SHC2: variants seen among roughly 807,000 people sequenced by gnomAD.
SHC2 encodes SHC adaptor protein 2, also known as SHC-transforming protein 2.
In SHC2, 62 loss-of-function variants were observed where a neutral mutation model predicts 60.6. That is an observed-to-expected ratio of 1.02 (90% CI 0.83 to 1.26). SHC2 has a LOEUF of 1.26. Ranked by LOEUF, SHC2 falls within the 50% of genes most tolerant of loss-of-function variation. The pLI, the probability that SHC2 is intolerant of heterozygous loss-of-function variation, is 0.00. For missense variants in SHC2, 873 were observed against 822.2 expected (o/e 1.06, Z -0.76); for synonymous variants, 375 against 372.4 (o/e 1.01, Z -0.08).
intron 11 of SHC2, among the ~76,000 whole-genome samples, chr19:421,903 C>T (rs572326090): frequency 1.3e-5 from 2 of 152,208 alleles, no homozygotes; most frequent in Non-Finnish European, 2.9e-5. Context: ...GAGCCAGACT[C>T]TGTCTCAAAA....
Position 422,245 on chromosome 19 carries a change from G to A in SHC2, c.1521C>T (p.Phe507=), listed in dbSNP as rs757040362. The change falls in exon 11 of 13, where the codon TTC becomes TTT. Residue 507 remains phenylalanine, a synonymous_variant. Coordinates refer to ENST00000264554, the MANE Select transcript of SHC2 (RefSeq NM_012435.3). The surrounding 1 kb of genome is among the most constrained non-coding windows in gnomAD (Gnocchi z 5.0). ...GGTTGGTGACGCTGTCTCGCACAAG[G>A]AAGTCCCCGTCAGCTCGAAGCATCC... ...AERMLRADGD[F]LVRDSVTNPG... The A allele has an allele frequency of 6.8e-6, 11 of 1,612,404 alleles. No individual in the cohort carries two copies. Among genetic ancestry groups the A allele is most frequent in the South Asian group, 6.6e-5 (6 of 90,956 alleles).
At chr19:457,893 G>A (rs540918023) in intron 1 of SHC2, among the ~76,000 whole-genome samples, 10 of 152,388 alleles carry the variant, frequency 6.6e-5, no homozygotes, top group Non-Finnish European at 1.2e-4. Context: ...ATGCCACCAG[G>A]GAAAACAGAC....
chr19:439,227 G>C (rs1274327579), intron 2 of SHC2, 197 bp from the exon 3 acceptor site: 1 of 462,914 alleles, frequency 2.2e-6, no homozygotes, highest in East Asian at 3.8e-5. Context: ...GAGGGGGCTG[G>C]GGAACCTGGG....
intron 1 of SHC2, among the ~76,000 whole-genome samples, chr19:454,900 G>A (rs989849758): frequency 5.3e-5 from 8 of 152,228 alleles, no homozygotes; most frequent in Non-Finnish European, 1.2e-4. Context: ...CCCAGTGCTG[G>A]TGGTGGCCGG....
At position 436,377 on chromosome 19, in the gene SHC2, C is replaced by A; in HGVS notation, c.826+3G>T. 1 of 1,595,068 alleles carries A rather than the reference C, an allele frequency of 6.3e-7. No individual in the cohort carries two copies. Among genetic ancestry groups the A allele is most frequent in the Non-Finnish European group, 8.6e-7 (1 of 1,167,554 alleles). ...CCCCCACCGGCCTCCCCGGGGGCCT[C>A]ACCTCTCTGGTTGATGGGGTCCTTG... On this transcript the variant is annotated splice_donor_region_variant and intron_variant, in intron 6 of 12. Coordinates refer to ENST00000264554, the MANE Select transcript of SHC2 (RefSeq NM_012435.3).
chr19:450,013 A>G (rs4919867), intron 1 of SHC2, among the ~76,000 whole-genome samples: 34,482 of 152,088 alleles, frequency 0.23, 4,060 homozygotes, highest in Middle Eastern at 0.27. Context: ...GCCGCCCTCC[A>G]CCCCTGGCCA....
At position 438,632 on chromosome 19, in the gene SHC2, C is replaced by T. The variant is rs1974775197; in HGVS notation, c.720+86G>A. 6 of 1,441,608 alleles carry T rather than the reference C, an allele frequency of 4.2e-6. No individual in the cohort carries two copies. The highest frequency in any genetic ancestry group is 2.6e-5 in the South Asian group (2 of 77,554). The allele number at this position is 1,441,608 out of a possible 1,614,324, so 89.3% of individuals were successfully genotyped here. On this transcript the variant is annotated intron_variant, in intron 4 of 12. Transcript: ENST00000264554. The surrounding 1 kb of genome is among the most constrained non-coding windows in gnomAD (Gnocchi z 5.0). ...CTGGATAAACGCCACCTGCTGCCCGCCCCCAGCACCCCACCTGGCTTTGCC... is the reference window on the plus strand; with the variant it reads ...CTGGATAAACGCCACCTGCTGCCCGTCCCCAGCACCCCACCTGGCTTTGCC...
intron 1 of SHC2, among the ~76,000 whole-genome samples, chr19:454,404 C>G (rs1975281069): frequency 6.6e-6 from 1 of 152,172 alleles, no homozygotes; most frequent in Admixed American, 6.5e-5. Flanking sequence ...TGCCTTTCAG[C>G]CAGGGGAGGA....
rs892720165 is a variant in SHC2, at chr19:440,333, C to T, written c.539+529G>A. Among the ~76,000 whole-genome samples, 5 of 152,140 alleles carry T rather than the reference C, an allele frequency of 3.3e-5. No homozygotes were observed. Among genetic ancestry groups the T allele is most frequent in the African/African-American group, 2.4e-5 (1 of 41,404 alleles). On this transcript the variant is annotated intron_variant, in intron 2 of 12. Transcript: ENST00000264554. This position sits in a 1 kb window ranked among gnomAD's most constrained non-coding sequence, Gnocchi z 7.0. ...GAAGAGCCTAAAGTCTCAAACTGTA[C>T]ATTATATCTCACATACGCACGTGTA...
Position 438,881 on chromosome 19 carries a change from G to T in SHC2, c.601-44C>A. On this transcript the variant is annotated intron_variant, in intron 3 of 12. Transcript: ENST00000264554. The surrounding 1 kb of genome is among the most constrained non-coding windows in gnomAD (Gnocchi z 5.0). ...ACAGCGAGGGCGGCTGTGGGTGGGG[G>T]CTGTCGAGGGGCTCCCAGGATGGCC... 1 of 1,552,272 alleles carries T rather than the reference G, an allele frequency of 6.4e-7. No homozygotes were observed. The highest frequency in any genetic ancestry group is 8.7e-7 in the Non-Finnish European group (1 of 1,147,184).
Position 425,249 on chromosome 19 carries a change from G to C in SHC2, c.1175-18C>G, listed in dbSNP as rs374761634. 1 of 1,316,416 alleles carries C rather than the reference G, an allele frequency of 7.6e-7. No individual in the cohort carries two copies. Among genetic ancestry groups the C allele is most frequent in the Non-Finnish European group, 9.8e-7 (1 of 1,024,478 alleles). The allele number at this position is 1,316,416 out of a possible 1,614,324, so 81.5% of individuals were successfully genotyped here. ...CGGTGGAGCTGGGGAGTGTAAAGAG[G>C]GGCAGGGGGTCAGCTGGGAGCCAGG... On this transcript the variant is annotated intron_variant, in intron 9 of 12. Coordinates refer to ENST00000264554, the MANE Select transcript of SHC2 (RefSeq NM_012435.3). This position sits in a 1 kb window ranked among gnomAD's most constrained non-coding sequence, Gnocchi z 4.1.
chr19:435,331 C>A (rs1327082013), intron 7 of SHC2, among the ~76,000 whole-genome samples: 1 of 152,240 alleles, frequency 6.6e-6, no homozygotes, highest in African/African-American at 2.4e-5. Flanking sequence ...CCACCTGGCC[C>A]ACAGTCGCTG....
chr19:429,276 G>A (rs1038153657), intron 9 of SHC2, among the ~76,000 whole-genome samples: 5 of 147,940 alleles, frequency 3.4e-5, no homozygotes, highest in Admixed American at 6.9e-5. Flanking sequence ...ACCTCATACC[G>A]TGTGGATGAC....
Position 442,531 on chromosome 19 carries a change from ATGGATGGGTGGGTGGG to A in SHC2, c.469-1615_469-1600del, listed in dbSNP as rs1283027006. On this transcript the variant is annotated intron_variant, in intron 1 of 12. Coordinates refer to ENST00000264554, the MANE Select transcript of SHC2 (RefSeq NM_012435.3). The stretch of plus-strand genomic sequence containing the variant: ...GATGGATGGATGGATGGGTGGGTGG[ATGGATGGGTGGGTGGG>A]TGGATGGGTGGGTGGGTGGACGGAT... 1.8e-3 allele frequency among the ~76,000 whole-genome samples: 67 copies of A among 37,168 alleles called. 1 individual carries two copies. The highest frequency in any genetic ancestry group is 8.5e-3 in the African/African-American group (55 of 6,438). The allele number at this position is 37,168 out of a possible 152,430, so 24.4% of individuals were successfully genotyped here. A position where few individuals can be genotyped will look rare whatever the true frequency, so the allele number is the denominator to read the frequency against.
intron 1 of SHC2, among the ~76,000 whole-genome samples, chr19:449,987 C>T (rs192514472): frequency 7.0e-4 from 106 of 152,312 alleles, no homozygotes; most frequent in African/African-American, 2.2e-3. Flanking sequence ...TGACACCCTG[C>T]GCCACGCTGA....
rs563541989 is a variant in SHC2 at position 419,155 on chromosome 19, T to C, written c.1621-99A>G. On this transcript the variant is annotated intron_variant, in intron 11 of 12. Coordinates refer to ENST00000264554, the MANE Select transcript of SHC2 (RefSeq NM_012435.3). ...GGGTCCTGCCGGGGAGCCCCTAGGG[T>C]GCCTGCATGGACGAGGGGCCGGACC... 1.0e-5 allele frequency: 14 copies of C among 1,364,204 alleles called. No individual in the cohort carries two copies. The African/African-American group carries it at 1.6e-4, about 16-fold the overall frequency. 84.5% of individuals were successfully genotyped at this position (1,364,204 alleles called of 1,614,324 possible).
At position 438,751 on chromosome 19, in the gene SHC2, A is replaced by G. The variant is rs374192530; in HGVS notation, c.687T>C (p.Asp229=). Residue 229 remains aspartate, a synonymous_variant, in exon 4 of 13, where the codon GAT becomes GAC. Coordinates refer to ENST00000264554, the MANE Select transcript of SHC2 (RefSeq NM_012435.3). The surrounding 1 kb of genome is among the most constrained non-coding windows in gnomAD (Gnocchi z 5.0). The part of the protein sequence containing the change: ...GMSISIHIST[D]GLSLSVPATR... ...TGGCAGGCACGGAGAGGCTGAGGCC[A>G]TCAGTGGAGATGTGGATGGAGATGC... 1.5e-4 allele frequency: 229 copies of G among 1,570,530 alleles called. No homozygotes were observed. The highest frequency in any genetic ancestry group is 1.8e-4 in the Non-Finnish European group (208 of 1,159,260).
At chr19:447,145 G>A (rs532392222) in intron 1 of SHC2, among the ~76,000 whole-genome samples, 2 of 152,366 alleles carry the variant, frequency 1.3e-5, no homozygotes, top group African/African-American at 2.4e-5. Context: ...TGACCCAGAC[G>A]TGAAAAGGAG....
rs1396593991 is a variant in SHC2, at chr19:425,727, C to T, written c.1175-496G>A. On this transcript the variant is annotated intron_variant, in intron 9 of 12. Coordinates refer to ENST00000264554, the MANE Select transcript of SHC2 (RefSeq NM_012435.3). This position sits in a 1 kb window ranked among gnomAD's most constrained non-coding sequence, Gnocchi z 4.1. ...TTTCTTTTTTTAATTGTATTTTGAA[C>T]GTGTAAAGTGTTTACATGGGGCCGG... Among the ~76,000 whole-genome samples, 3 of 152,088 alleles carry T rather than the reference C, an allele frequency of 2.0e-5. No individual in the cohort carries two copies. Among genetic ancestry groups the T allele is most frequent in the African/African-American group, 7.2e-5 (3 of 41,410 alleles).
Sources: allele counts gnomAD v4.1 joint callset (sites outside exome capture counted in the v4.1 genomes callset), GRCh38; gene constraint gnomAD v4.1.1; non-coding constraint Gnocchi (gnomAD v3.1); transcripts MANE v1.5; gene names NCBI Gene and HGNC (gene_info 2026-07-23, HGNC 2026-07-21).